MAP4K4: variants seen among roughly 807,000 people sequenced by gnomAD.
MAP4K4 encodes the protein mitogen-activated protein kinase kinase kinase kinase 4.
A neutral mutation model predicts 189.6 loss-of-function variants in MAP4K4; 38 were observed. The ratio of observed to expected loss-of-function variants is 0.20; its 90% CI spans 0.15 to 0.26. The LOEUF (loss-of-function observed/expected upper bound fraction) is 0.26. Among genes scored for constraint, MAP4K4 ranks in the 10% least tolerant of loss-of-function variants. MAP4K4 has a pLI of 1.00. For synonymous variants in MAP4K4, 610 were observed against 624.3 expected (o/e 0.98, Z 0.34); for missense variants, 1,054 against 1,726.9 (o/e 0.61, Z 6.91).
At chr2:101,867,233 C>G (rs1410317583) in exon 20 of MAP4K4, 3 of 1,604,654 alleles carry the variant, frequency 1.9e-6, no homozygotes, top group Middle Eastern at 1.7e-4. Context: ...TCTGAAGGCT[C>G]TCCATCTCAG....
chr2:101,851,981 G>A lies in MAP4K4; in HGVS notation c.1234-3996G>A, dbSNP rs531878528. ...CAAATAGATGGATTAGTTGTTTGTA[G>A]TCTTGTGTGTATCTCTGGAAAGGAA... is the stretch of plus-strand genomic sequence containing the variant. On this transcript the variant is annotated intron_variant, in intron 12 of 32. Coordinates refer to ENST00000324219, the Ensembl canonical transcript of MAP4K4. Among the ~76,000 whole-genome samples, 61 of 151,918 alleles carry A rather than the reference G, an allele frequency of 4.0e-4. 1 individual carries two copies. The highest frequency in any genetic ancestry group is 1.4e-3 in the African/African-American group (60 of 41,484).
At position 101,740,157 on chromosome 2, in the gene MAP4K4, T is replaced by TCCCCTCAATCATCATAA. The variant is rs1473536334; in HGVS notation, c.123+41619_123+41620insCCCCTCAATCATCATAA. ...CAAAGTTGCTTTATATCATCTTTTT[T>TCCCCTCAATCATCATAA]TTTTTTTTTTTTTTGAGACGGAGTC... On this transcript the variant is annotated intron_variant, in intron 2 of 32. Transcript: ENST00000324219. Among the ~76,000 whole-genome samples the TCCCCTCAATCATCATAA allele has an allele frequency of 3.7e-3, 361 of 96,788 alleles. 21 individuals are homozygous for TCCCCTCAATCATCATAA. Among genetic ancestry groups the TCCCCTCAATCATCATAA allele is most frequent in the African/African-American group, 0.034 (210 of 6,144 alleles). 63.5% of individuals were successfully genotyped at this position (96,788 alleles called of 152,430 possible). A position where few individuals can be genotyped will look rare whatever the true frequency, so the allele number is the denominator to read the frequency against.
In MAP4K4 at chr2:101,747,821, G is replaced by A. The variant is rs376944780; in HGVS notation, c.124-42899G>A. ...TAGTTTGGTCCAAGAAATAGGCTTG[G>A]TTAATCTTTACAGCAGCCTTTGAAA... On this transcript the variant is annotated intron_variant, in intron 2 of 32. Transcript: ENST00000324219. Among the ~76,000 whole-genome samples, 199 of 152,284 alleles carry A rather than the reference G, an allele frequency of 1.3e-3. 1 individual carries two copies. Among genetic ancestry groups the A allele is most frequent in the African/African-American group, 4.5e-3 (186 of 41,560 alleles).
At chr2:101,729,172 G>A (rs1482164970) in intron 2 of MAP4K4, among the ~76,000 whole-genome samples, 4 of 147,742 alleles carry the variant, frequency 2.7e-5, no homozygotes, top group Admixed American at 6.8e-5. Context: ...TTCCTGTAAG[G>A]CCTTCCCTGG....
At chr2:101,848,304 T>C (rs1384484441) in intron 12 of MAP4K4, among the ~76,000 whole-genome samples, 1 of 152,232 alleles carries the variant, frequency 6.6e-6, no homozygotes, top group African/African-American at 2.4e-5. Flanking sequence ...TGCAGTGCTT[T>C]CAAATATTTT....
At chr2:101,817,180 T>C (rs1201486051) in intron 3 of MAP4K4, among the ~76,000 whole-genome samples, 1 of 152,170 alleles carries the variant, frequency 6.6e-6, no homozygotes, top group Non-Finnish European at 1.5e-5. Flanking sequence ...CCATGGTATT[T>C]TGTCTATAGA....
chr2:101,870,857 G>A (rs985314770), intron 23 of MAP4K4, among the ~76,000 whole-genome samples: 3 of 152,178 alleles, frequency 2.0e-5, no homozygotes, highest in Non-Finnish European at 2.9e-5. Flanking sequence ...CTCATCACAG[G>A]CCCAGAGACT....
chr2:101,879,333 C>G (rs1393480944), intron 27 of MAP4K4, among the ~76,000 whole-genome samples: 1 of 142,228 alleles, frequency 7.0e-6, no homozygotes, highest in East Asian at 2.1e-4. Flanking sequence ...AAATGTAGTA[C>G]ATGTCAATTG....
intron 2 of MAP4K4, among the ~76,000 whole-genome samples, chr2:101,707,680 G>GTT (rs1160858811): frequency 2.2e-4 from 31 of 141,204 alleles, no homozygotes; most frequent in African/African-American, 6.6e-4. Flanking sequence ...GTCCAGCTAA[G>GTT]TTTTTTTTTT....
intron 29 of MAP4K4, 149 bp downstream of exon 29, chr2:101,885,436 C>A (rs1474153127): frequency 9.8e-6 from 5 of 510,746 alleles, no homozygotes; most frequent in Non-Finnish European, 1.8e-5. Flanking sequence ...TAAACCATTT[C>A]TAATGTAATA....
chr2:101,864,868 G>A, intron 17 of MAP4K4, 62 bp from the exon 18 acceptor site: 2 of 1,044,970 alleles, frequency 1.9e-6, no homozygotes, highest in Admixed American at 4.6e-5. Flanking sequence ...ATTTTGGTAG[G>A]GAAGTATTTT....
intron 2 of MAP4K4, among the ~76,000 whole-genome samples, chr2:101,761,822 G>A (rs2076584804): frequency 6.6e-6 from 1 of 152,124 alleles, no homozygotes; most frequent in Non-Finnish European, 1.5e-5. Context: ...CTCCCAAAGT[G>A]TTGGGATTAC....
At chr2:101,877,342 G>GAAAGC (rs1345996724) in intron 27 of MAP4K4, among the ~76,000 whole-genome samples, 196 bp downstream of exon 27, 1 of 152,172 alleles carries the variant, frequency 6.6e-6, no homozygotes, top group Non-Finnish European at 1.5e-5. Flanking sequence ...TGGCTCCTCC[G>GAAAGC]AAAGCAGTCT....
chr2:101,788,241 G>A (rs1209843856), intron 2 of MAP4K4, among the ~76,000 whole-genome samples: 1 of 152,200 alleles, frequency 6.6e-6, no homozygotes, highest in Non-Finnish European at 1.5e-5. Context: ...GGAGAAAGGA[G>A]CAAGGAAATC....
chr2:101,773,157 G>T (rs1332700896), intron 2 of MAP4K4, among the ~76,000 whole-genome samples: 1 of 152,194 alleles, frequency 6.6e-6, no homozygotes, highest in Non-Finnish European at 1.5e-5. Context: ...AGCACTAGAG[G>T]CAGGAATTAT....
intron 2 of MAP4K4, among the ~76,000 whole-genome samples, chr2:101,750,738 T>C (rs1254628852): frequency 1.3e-5 from 2 of 151,362 alleles, no homozygotes; most frequent in Admixed American, 6.6e-5. Flanking sequence ...GATGGGAGAA[T>C]TGCCTGAGCC....
At chr2:101,738,142 C>T (rs2149713391) in intron 2 of MAP4K4, among the ~76,000 whole-genome samples, 1 of 152,278 alleles carries the variant, frequency 6.6e-6, no homozygotes, top group South Asian at 2.1e-4. Flanking sequence ...GCTACATCCC[C>T]AAGAAGAGAA....
intron 3 of MAP4K4, among the ~76,000 whole-genome samples, chr2:101,806,286 G>A (rs1329849696): frequency 6.6e-6 from 1 of 152,038 alleles, no homozygotes; most frequent in East Asian, 1.9e-4. Flanking sequence ...TTCCCCCCAG[G>A]CCCCTTGGGG....
At chr2:101,715,560 T>C (rs568349868) in intron 2 of MAP4K4, among the ~76,000 whole-genome samples, 2 of 152,328 alleles carry the variant, frequency 1.3e-5, no homozygotes, top group South Asian at 4.1e-4. Context: ...ATGTTCATAT[T>C]ATATTTCATG....
Sources: gnomAD v4.1 joint callset for allele counts (sites outside exome capture counted in the v4.1 genomes callset) on GRCh38, gnomAD v4.1.1 for gene constraint, MANE v1.5 for transcripts, NCBI Gene and HGNC (gene_info 2026-07-23, HGNC 2026-07-21) for gene names.